FNTA: variants seen among roughly 807,000 people sequenced by gnomAD.
FNTA encodes protein farnesyltransferase/geranylgeranyltransferase type-1 subunit alpha.
FNTA carries 27 observed loss-of-function variants against 55.2 expected under a neutral mutation model. The observed-to-expected ratio is 0.49, with a 90% CI of 0.36 to 0.67. The LOEUF (loss-of-function observed/expected upper bound fraction) is 0.67. Among genes scored for constraint, FNTA ranks in the 30% least tolerant of loss-of-function variants. The pLI, the probability that FNTA is intolerant of heterozygous loss-of-function variation, is 0.00. For synonymous variants in FNTA, 176 were observed against 170.7 expected (o/e 1.03, Z -0.24); for missense variants, 422 against 464.7 (o/e 0.91, Z 0.85).
At chr8:43,067,498 A>C (rs906052553) in intron 3 of FNTA, among the ~76,000 whole-genome samples, 11 of 152,094 alleles carry the variant, frequency 7.2e-5, no homozygotes, top group Non-Finnish European at 1.2e-4. Flanking sequence ...GTTTAACTGG[A>C]ATTCTCAGTG....
At chr8:43,057,913 G>A (rs1810447717) in intron 1 of FNTA, among the ~76,000 whole-genome samples, 1 of 149,274 alleles carries the variant, frequency 6.7e-6, no homozygotes, top group African/African-American at 2.5e-5. Flanking sequence ...AGCGGAGATT[G>A]CGCCCATTGC....
intron 2 of FNTA, among the ~76,000 whole-genome samples, chr8:43,061,386 C>T (rs1810525744): frequency 6.6e-6 from 1 of 152,180 alleles, no homozygotes; most frequent in Non-Finnish European, 1.5e-5. Flanking sequence ...TCCTATGTGC[C>T]TCTGTTTCCA....
intron 3 of FNTA, among the ~76,000 whole-genome samples, chr8:43,066,713 A>G (rs567276568): frequency 6.6e-6 from 1 of 152,192 alleles, no homozygotes; most frequent in Admixed American, 6.5e-5. Context: ...CTTTATGCGT[A>G]TAAGAGAGAC....
intron 6 of FNTA, chr8:43,077,814 C>T (rs76408694): frequency 0.03 from 4,550 of 152,458 alleles, 127 homozygotes; most frequent in Middle Eastern, 0.077. Flanking sequence ...GTCCCCCGAG[C>T]GGTAAAGTCA....
Position 43,072,231 on chromosome 8 carries a change from T to A in FNTA, c.557T>A (p.Leu186His). 6.3e-7 allele frequency: 1 copy of A among 1,592,608 alleles called. No individual in the cohort carries two copies. The highest frequency in any genetic ancestry group is 8.6e-7 in the Non-Finnish European group (1 of 1,168,866). Residue 186 changes from leucine to histidine, a missense_variant, in exon 5 of 9, where the codon CTT becomes CAT. Physicochemically the swap from Leu to His is moderately conservative, Grantham distance 99. Coordinates refer to ENST00000302279, the MANE Select transcript of FNTA (RefSeq NM_002027.3). ...VEWLRDPSQE[L>H]EFIADILNQD... ...TGGCTAAGAGATCCATCTCAGGAGCTTGAATTTATTGCTGATATTCTTAAT... is the reference window on the plus strand; with the variant it reads ...TGGCTAAGAGATCCATCTCAGGAGCATGAATTTATTGCTGATATTCTTAAT...
chr8:43,084,571 A>G (rs1811088859), intron 7 of FNTA, 139 bp from the exon 8 acceptor site: 1 of 650,332 alleles, frequency 1.5e-6, no homozygotes, highest in Non-Finnish European at 2.6e-6. Context: ...TAAAAGTTTC[A>G]TTATAGTTTC....
At chr8:43,076,574 T>G (rs1810915743) in intron 5 of FNTA, 1 of 152,140 alleles carries the variant, frequency 6.6e-6, no homozygotes, top group South Asian at 2.1e-4. Context: ...ATGCTGCCCT[T>G]TTACTTTGAT....
At chr8:43,075,194 A>G (rs937186310) in intron 5 of FNTA, among the ~76,000 whole-genome samples, 2 of 152,188 alleles carry the variant, frequency 1.3e-5, no homozygotes, top group Non-Finnish European at 2.9e-5. Context: ...TTTACTCTCT[A>G]TCCTTAGCAT....
intron 5 of FNTA, 100 bp downstream of exon 5, chr8:43,072,407 G>A (rs927824379): frequency 2.6e-6 from 2 of 762,348 alleles, no homozygotes; most frequent in Non-Finnish European, 1.9e-6. Context: ...ACACACATAC[G>A]TAGATCATTG....
At chr8:43,062,344 T>A (rs1810553832) in intron 2 of FNTA, among the ~76,000 whole-genome samples, 1 of 152,056 alleles carries the variant, frequency 6.6e-6, no homozygotes, top group South Asian at 2.1e-4. Context: ...TACAATGGCG[T>A]GATCTCGGCT....
At chr8:43,061,175 A>T (rs1018745818) in intron 2 of FNTA, among the ~76,000 whole-genome samples, 3 of 152,248 alleles carry the variant, frequency 2.0e-5, no homozygotes, top group African/African-American at 7.2e-5. Context: ...GTAGTTTGGT[A>T]TATCTGTTAA....
intron 5 of FNTA, among the ~76,000 whole-genome samples, chr8:43,074,342 G>A (rs1810859840): frequency 6.6e-6 from 1 of 152,104 alleles, no homozygotes; most frequent in Non-Finnish European, 1.5e-5. Flanking sequence ...TGGCAACATG[G>A]CAAAACCCCG....
chr8:43,067,895 T>G (rs1297786802), intron 3 of FNTA, among the ~76,000 whole-genome samples: 2 of 151,850 alleles, frequency 1.3e-5, no homozygotes, highest in Non-Finnish European at 2.9e-5. Flanking sequence ...AGTTTTGTAT[T>G]TTTGTTTGTT....
chr8:43,060,395 C>T (rs1810503018), intron 2 of FNTA, among the ~76,000 whole-genome samples: 2 of 152,120 alleles, frequency 1.3e-5, no homozygotes. Context: ...ACATTTTGGG[C>T]CAGGCGCGGT....
intron 4 of FNTA, among the ~76,000 whole-genome samples, 186 bp from the exon 5 acceptor site, chr8:43,071,995 A>AT (rs1350486892): frequency 6.6e-6 from 1 of 152,208 alleles, no homozygotes; most frequent in African/African-American, 2.4e-5. Flanking sequence ...GTAGTTTGAG[A>AT]TAAACTATCT....
intron 2 of FNTA, among the ~76,000 whole-genome samples, chr8:43,059,555 T>TA (rs1810485606): frequency 6.6e-6 from 1 of 152,236 alleles, no homozygotes; most frequent in South Asian, 2.1e-4. Context: ...GATTTAAACA[T>TA]ATATTTTGGC....
chr8:43,077,394 T>C (rs1469203459), intron 6 of FNTA, 30 bp downstream of exon 6: 1 of 1,576,256 alleles, frequency 6.3e-7, no homozygotes. Flanking sequence ...TGCTCATTCG[T>C]TACAAACATG....
intron 3 of FNTA, among the ~76,000 whole-genome samples, chr8:43,067,102 A>G (rs1044292816): frequency 6.6e-6 from 1 of 152,134 alleles, no homozygotes; most frequent in Non-Finnish European, 1.5e-5. Flanking sequence ...CCTGCCTTCC[A>G]GTGTGCCTTG....
intron 5 of FNTA, among the ~76,000 whole-genome samples, chr8:43,073,237 C>G (rs1404006727): frequency 1.3e-5 from 2 of 152,084 alleles, no homozygotes; most frequent in Non-Finnish European, 2.9e-5. Context: ...TTTTACTTAT[C>G]TCTGAAAAAC....
Sources: gnomAD v4.1 joint callset for allele counts (sites outside exome capture counted in the v4.1 genomes callset) on GRCh38, gnomAD v4.1.1 for gene constraint, MANE v1.5 for transcripts, NCBI Gene and HGNC (gene_info 2026-07-23, HGNC 2026-07-21) for gene names.